SGCD: variants seen among roughly 807,000 people sequenced by gnomAD.
SGCD encodes the protein delta-sarcoglycan.
Under a neutral mutation model 36.6 loss-of-function variants are expected in SGCD, and 18 were observed. The ratio of observed to expected loss-of-function variants is 0.49; its 90% CI spans 0.34 to 0.73. The LOEUF (loss-of-function observed/expected upper bound fraction) is 0.73. SGCD is among the 30% of genes least tolerant of loss of function. The pLI, the probability that SGCD is intolerant of heterozygous loss-of-function variation, is 0.01. For missense variants in SGCD, 387 were observed against 346.7 expected, an observed-to-expected ratio of 1.12 and a Z score of -0.92; for synonymous variants, 133 against 130.6, an observed-to-expected ratio of 1.02 and a Z score of -0.12.
intron 6 of SGCD, among the ~76,000 whole-genome samples, chr5:156,630,510 C>T (rs1179351755): frequency 2.0e-5 from 3 of 152,174 alleles, no homozygotes; most frequent in Admixed American, 6.5e-5. Flanking sequence ...TGTAATATCT[C>T]ATTGATGTTT....
At chr5:156,514,188 A>C (rs1010569414) in intron 4 of SGCD, among the ~76,000 whole-genome samples, 2 of 152,250 alleles carry the variant, frequency 1.3e-5, no homozygotes, top group African/African-American at 4.8e-5. Flanking sequence ...GGATTCATTC[A>C]TTCTTAGACA....
intron 3 of SGCD, among the ~76,000 whole-genome samples, chr5:156,290,319 C>A (rs1439865631): frequency 6.6e-6 from 1 of 152,130 alleles, no homozygotes; most frequent in Non-Finnish European, 1.5e-5. Flanking sequence ...CTGTGCTAAC[C>A]AAGACGGTTC....
At position 156,076,749 on chromosome 5, in the gene SGCD, A is replaced by C. The variant is rs1280805506; in HGVS notation, c.-281-41129A>C. On this transcript the variant is annotated intron_variant, in intron 1 of 9. Coordinates refer to the SGCD transcript ENST00000517913. The stretch of plus-strand genomic sequence containing the variant: ...CAACAATGGAGCACCCTAGACTTGA[A>C]CATTACATCTGGGTAATTAGCTATG... 3.3e-5 allele frequency among the ~76,000 whole-genome samples: 5 copies of C among 152,200 alleles called. No homozygotes were observed. In the East Asian group the frequency reaches 9.6e-4, roughly 29 times the overall value.
intron 7 of SGCD, among the ~76,000 whole-genome samples, chr5:156,719,096 G>T (rs950231147): frequency 6.6e-6 from 1 of 152,048 alleles, no homozygotes; most frequent in African/African-American, 2.4e-5. Context: ...GAAGTGGAAG[G>T]TGGGGAAAAT....
At chr5:156,596,002 C>T (rs912488978) in intron 6 of SGCD, among the ~76,000 whole-genome samples, 1 of 152,078 alleles carries the variant, frequency 6.6e-6, no homozygotes, top group African/African-American at 2.4e-5. Context: ...TGCTGTCACC[C>T]ACTAGTTTTG....
intron 3 of SGCD, among the ~76,000 whole-genome samples, chr5:156,282,490 A>C (rs1766479626): frequency 6.6e-6 from 1 of 152,220 alleles, no homozygotes; most frequent in African/African-American, 2.4e-5. Context: ...AAACCTAATT[A>C]TGGGTGACCT....
the SGCD span, among the ~76,000 whole-genome samples, chr5:155,760,105 C>A: frequency 6.6e-6 from 1 of 151,238 alleles, no homozygotes. Flanking sequence ...TTCACCAACA[C>A]CCTCTCCATC....
intron 7 of SGCD, among the ~76,000 whole-genome samples, chr5:156,684,856 G>C (rs751200976): frequency 1.3e-5 from 2 of 152,136 alleles, no homozygotes; most frequent in African/African-American, 4.8e-5. Flanking sequence ...GATAATTTCC[G>C]GTTTTAGTTT....
At chr5:156,626,870 A>G (rs958262362) in intron 6 of SGCD, among the ~76,000 whole-genome samples, 2 of 152,170 alleles carry the variant, frequency 1.3e-5, no homozygotes, top group African/African-American at 2.4e-5. Flanking sequence ...AAAGGATAAG[A>G]TGGACCTATT....
chr5:155,857,162 G>A, the SGCD span, among the ~76,000 whole-genome samples: 2 of 152,272 alleles, frequency 1.3e-5, no homozygotes, highest in East Asian at 1.9e-4. Context: ...GCTTGATCCC[G>A]GGAAGCAGAG....
chr5:155,960,665 C>T (rs1246600740), intron 1 of SGCD, among the ~76,000 whole-genome samples: 1 of 152,116 alleles, frequency 6.6e-6, no homozygotes, highest in African/African-American at 2.4e-5. Context: ...GAAAGCCTAA[C>T]ATTTTAGAAG....
chr5:156,207,417 T>G (rs1337449267), intron 3 of SGCD, among the ~76,000 whole-genome samples: 2 of 152,196 alleles, frequency 1.3e-5, no homozygotes, highest in Non-Finnish European at 2.9e-5. Context: ...TTAGGCTAGT[T>G]GATCTCTAAT....
intron 3 of SGCD, among the ~76,000 whole-genome samples, chr5:156,187,337 G>A (rs1352842589): frequency 6.6e-6 from 1 of 151,944 alleles, no homozygotes; most frequent in Non-Finnish European, 1.5e-5. Context: ...TTTGATGGAG[G>A]AGGGACCAAA....
chr5:156,673,776 T>A (rs111719866), intron 7 of SGCD, among the ~76,000 whole-genome samples: 4,114 of 152,316 alleles, frequency 0.027, 173 homozygotes, highest in African/African-American at 0.093. Context: ...AAGAAATAGC[T>A]TAAAACTTAA....
rs112698849 is a variant in SGCD, at chr5:156,159,598, C to T, written c.-44+35579C>T. Among the ~76,000 whole-genome samples, 422 of 151,532 alleles carry T rather than the reference C, an allele frequency of 2.8e-3. 19 individuals are homozygous for T. The highest frequency in any genetic ancestry group is 9.7e-3 in the African/African-American group (396 of 41,020). ...GGATATTTAAATACTGTTTATGAAA[C>T]ATTTAGTAGAATTTATTACTTCTGT... On this transcript the variant is annotated intron_variant, in intron 3 of 9. Transcript: ENST00000517913.
chr5:155,902,768 G>A (rs1194482477), intron 1 of SGCD, among the ~76,000 whole-genome samples: 1 of 152,106 alleles, frequency 6.6e-6, no homozygotes, highest in Admixed American at 6.5e-5. Context: ...TTGTTCTGCT[G>A]TTCCTTTGTT....
chr5:156,173,998 C>T (rs1207964879), intron 3 of SGCD, among the ~76,000 whole-genome samples: 5 of 152,188 alleles, frequency 3.3e-5, no homozygotes, highest in African/African-American at 7.2e-5. Flanking sequence ...GTTGAATTTA[C>T]ATCAGTGGCT....
intron 1 of SGCD, among the ~76,000 whole-genome samples, chr5:156,048,124 C>A (rs1380306244): frequency 6.6e-6 from 1 of 152,104 alleles, no homozygotes; most frequent in Non-Finnish European, 1.5e-5. Context: ...TTTATAGCTC[C>A]ATCCATGTCC....
chr5:156,562,269 G>T lies in SGCD; in HGVS notation c.295-26962G>T, dbSNP rs138975198. 7.4e-4 allele frequency among the ~76,000 whole-genome samples: 113 copies of T among 152,300 alleles called. 1 individual carries two copies. The East Asian group carries it at 0.017, about 23-fold the overall frequency. On this transcript the variant is annotated intron_variant, in intron 4 of 8. Transcript: ENST00000337851. ...TGTAGCATATTATACAGGATATGAA[G>T]GGCCCGGGTGAGTTTGGGGAAGGTT...
Sources: allele counts gnomAD v4.1 joint callset (sites outside exome capture counted in the v4.1 genomes callset), GRCh38; gene constraint gnomAD v4.1.1; transcripts MANE v1.5; gene names NCBI Gene and HGNC (gene_info 2026-07-23, HGNC 2026-07-21).